Variants in KIF27 observed in about 807,000 individuals in gnomAD.
KIF27 encodes kinesin-like protein KIF27.
Under a neutral mutation model 141.8 loss-of-function variants are expected in KIF27, and 84 were observed. That is an observed-to-expected ratio of 0.59 (90% CI 0.50 to 0.71). The LOEUF is 0.71. KIF27 is among the 30% of genes least tolerant of loss of function. The probability of loss-of-function intolerance (pLI) is 0.00; values close to 1 mark genes in which losing one functional copy is unlikely to be tolerated. For synonymous variants in KIF27, 471 were observed against 569.5 expected (o/e 0.83, Z 2.46); for missense variants, 1,306 against 1,628.4 (o/e 0.80, Z 3.41).
At chr9:83,914,364 T>C (rs181747129) in intron 2 of KIF27, among the ~76,000 whole-genome samples, 48 of 152,262 alleles carry the variant, frequency 3.2e-4, no homozygotes, top group African/African-American at 1.0e-3. Flanking sequence ...TTGGAGAGTA[T>C]TGGCTTCTTA....
chr9:83,906,437 G>A (rs1954541818), intron 3 of KIF27, among the ~76,000 whole-genome samples: 1 of 151,858 alleles, frequency 6.6e-6, no homozygotes, highest in South Asian at 2.1e-4. Flanking sequence ...TGGTTTTTAG[G>A]GGAAGAAGAC....
intron 13 of KIF27, among the ~76,000 whole-genome samples, chr9:83,865,491 T>G (rs1400891343): frequency 6.6e-6 from 1 of 152,174 alleles, no homozygotes; most frequent in African/African-American, 2.4e-5. Context: ...GAGACAGGGT[T>G]TCACCATGTT....
intron 10 of KIF27, among the ~76,000 whole-genome samples, chr9:83,882,231 A>G (rs1951734385): frequency 1.3e-5 from 2 of 152,032 alleles, no homozygotes; most frequent in Admixed American, 1.3e-4. Flanking sequence ...GTGTGGTGGC[A>G]GGCACCTGTA....
chr9:83,911,886 A>G lies in KIF27; in HGVS notation c.299-3234T>C, dbSNP rs549410019. 9.8e-5 allele frequency among the ~76,000 whole-genome samples: 15 copies of G among 152,326 alleles called. No homozygotes were observed. In the East Asian group the frequency reaches 2.7e-3, roughly 27 times the overall value. On this transcript the variant is annotated intron_variant, in intron 2 of 17. Coordinates refer to ENST00000297814, the MANE Select transcript of KIF27 (RefSeq NM_017576.4). ...AACTAAAAGAGACAGAAAGTAAATC[A>G]GGGATTATCAGAGAATGCGGGGAGA...
chr9:83,909,534 A>G (rs981059858), intron 2 of KIF27, among the ~76,000 whole-genome samples: 5 of 151,864 alleles, frequency 3.3e-5, no homozygotes, highest in Non-Finnish European at 7.4e-5. Flanking sequence ...GAATCACTTG[A>G]AGCTGGGAGG....
chr9:83,846,940 A>C (rs1947356944), intron 16 of KIF27, among the ~76,000 whole-genome samples: 1 of 152,184 alleles, frequency 6.6e-6, no homozygotes, highest in African/African-American at 2.4e-5. Flanking sequence ...TCAAGATGAA[A>C]TCAGTCTACT....
chr9:83,861,959 T>C (rs1344254972), intron 13 of KIF27, among the ~76,000 whole-genome samples: 1 of 152,248 alleles, frequency 6.6e-6, no homozygotes, highest in East Asian at 1.9e-4. Context: ...ATGTGTCTGT[T>C]GGCTGCATAA....
intron 3 of KIF27, 86 bp from the exon 4 acceptor site, chr9:83,904,104 C>A: frequency 1.1e-6 from 1 of 892,126 alleles, no homozygotes; most frequent in South Asian, 2.0e-5. Context: ...AACAGCCTGG[C>A]CAAGATAGTC....
chr9:83,847,415 T>A (rs1463479416), intron 16 of KIF27: 1 of 152,190 alleles, frequency 6.6e-6, no homozygotes, highest in Non-Finnish European at 1.5e-5. Flanking sequence ...GTAATAGCAT[T>A]TGGGTTGGGG....
rs1947707501 is a variant in KIF27 at position 83,848,141 on chromosome 9, T to TATCTC, written c.3556+1957_3556+1958insGAGAT. On this transcript the variant is annotated intron_variant, in intron 16 of 17. Transcript: ENST00000297814. Reference sequence around the variant, plus strand: ...GATATATCTGATATCTCATATATGATATATCTGATATATCATATATGATAT... The same window carrying TATCTC: ...GATATATCTGATATCTCATATATGATATCTCATATCTGATATATCATATATGATAT... Among the ~76,000 whole-genome samples the TATCTC allele has an allele frequency of 2.9e-5, 2 of 69,028 alleles. 1 individual carries two copies. Among genetic ancestry groups the TATCTC allele is most frequent in the East Asian group, 7.1e-4 (2 of 2,822 alleles). 45.3% of individuals were successfully genotyped at this position (69,028 alleles called of 152,430 possible).
chr9:83,907,094 T>G (rs1954628424), intron 3 of KIF27, among the ~76,000 whole-genome samples: 1 of 151,432 alleles, frequency 6.6e-6, no homozygotes, highest in Non-Finnish European at 1.5e-5. Flanking sequence ...ATCAAGACAA[T>G]CCTGGCTAAC....
intron 1 of KIF27, among the ~76,000 whole-genome samples, chr9:83,916,914 T>C (rs553258387): frequency 7.9e-5 from 12 of 152,202 alleles, no homozygotes; most frequent in African/African-American, 1.9e-4. Context: ...GCGCCTGTCT[T>C]GGCCTCCCAA....
In KIF27 at chr9:83,850,194, G is replaced by A. The variant is rs1426920114; in HGVS notation, c.3461C>T (p.Ala1154Val). The change falls in exon 16 of 18, where the codon GCA (alanine) becomes GTA (valine). Residue 1154 changes from alanine to valine, a missense_variant. Around this residue, in one of 4 missense-constraint regions of KIF27, gnomAD observed 596 missense variants for 751.6 expected, o/e 0.79. Transcript: ENST00000297814. ...RDNMVRELESALDHLKLQCDR... is the reference protein window; with the variant it reads ...RDNMVRELESVLDHLKLQCDR... The stretch of plus-strand genomic sequence containing the variant: ...ACACTGCAATTTTAGATGGTCCAGT[G>A]CAGATTCTAATTCACGAACCATATT... 3 of 1,611,642 alleles carry A rather than the reference G, an allele frequency of 1.9e-6. No individual in the cohort carries two copies. Among genetic ancestry groups the A allele is most frequent in the Non-Finnish European group, 8.5e-7 (1 of 1,177,820 alleles).
chr9:83,917,907 C>T (rs1220215048), intron 1 of KIF27, among the ~76,000 whole-genome samples: 1 of 151,838 alleles, frequency 6.6e-6, no homozygotes, highest in African/African-American at 2.4e-5. Context: ...GATATGACAC[C>T]AAAAGCAATA....
At chr9:83,866,679 C>A (rs1372988340) in intron 13 of KIF27, among the ~76,000 whole-genome samples, 2 of 152,012 alleles carry the variant, frequency 1.3e-5, no homozygotes, top group South Asian at 2.1e-4. Flanking sequence ...AGTTCGAGAC[C>A]AGTCTGACCA....
chr9:83,865,758 C>T (rs927116624), intron 13 of KIF27, among the ~76,000 whole-genome samples: 7 of 151,614 alleles, frequency 4.6e-5, no homozygotes, highest in African/African-American at 1.7e-4. Flanking sequence ...TTATTTTTTC[C>T]TTTTGTTTTG....
chr9:83,918,954 T>C (rs1189051353), intron 1 of KIF27, among the ~76,000 whole-genome samples: 1 of 151,960 alleles, frequency 6.6e-6, no homozygotes, highest in South Asian at 2.1e-4. Flanking sequence ...TGGGCGCCTA[T>C]AATCCCAGCT....
chr9:83,895,785 CG>C (rs1953155192), intron 5 of KIF27, among the ~76,000 whole-genome samples: 1 of 151,960 alleles, frequency 6.6e-6, no homozygotes, highest in Non-Finnish European at 1.5e-5. Flanking sequence ...AGACCGGGCA[CG>C]GTGGCTAACG....
chr9:83,882,620 A>C (rs1352636568), intron 10 of KIF27, among the ~76,000 whole-genome samples: 1 of 152,106 alleles, frequency 6.6e-6, no homozygotes, highest in Non-Finnish European at 1.5e-5. Flanking sequence ...AAAGGTACAA[A>C]ATTTCTAAAA....
Sources: allele counts gnomAD v4.1 joint callset (sites outside exome capture counted in the v4.1 genomes callset), GRCh38; gene constraint gnomAD v4.1.1; regional missense constraint gnomAD v4.1.1; transcripts MANE v1.5; gene names NCBI Gene and HGNC (gene_info 2026-07-23, HGNC 2026-07-21).